Variants in CADM2 observed in about 807,000 individuals in gnomAD.
CADM2 encodes cell adhesion molecule 2.
CADM2 carries 12 observed loss-of-function variants against 49.8 expected under a neutral mutation model. The observed-to-expected ratio is 0.24, with a 90% confidence interval of 0.15 to 0.39. The LOEUF is 0.39. Among genes scored for constraint, CADM2 ranks in the 10% least tolerant of loss-of-function variants. The pLI, the probability that CADM2 is intolerant of heterozygous loss-of-function variation, is 1.00. For synonymous variants in CADM2, 214 were observed against 175.4 expected (o/e 1.22, Z -1.74); for missense variants, 378 against 492.3 (o/e 0.77, Z 2.20).
intron 8 of CADM2, among the ~76,000 whole-genome samples, chr3:86,010,093 G>C (rs148774891): frequency 4.6e-5 from 7 of 151,634 alleles, no homozygotes; most frequent in Non-Finnish European, 1.0e-4. Flanking sequence ...TAGCAATGAC[G>C]AAATAATATT....
At chr3:84,991,362 G>A (rs2032874697) in intron 1 of CADM2, among the ~76,000 whole-genome samples, 1 of 152,048 alleles carries the variant, frequency 6.6e-6, no homozygotes, top group Admixed American at 6.5e-5. Flanking sequence ...AAAATGAGCT[G>A]GGGGCAAAAT....
chr3:85,814,896 T>C (rs2073116037), intron 3 of CADM2, among the ~76,000 whole-genome samples: 1 of 151,946 alleles, frequency 6.6e-6, no homozygotes, highest in Admixed American at 6.6e-5. Context: ...ATATTCTACC[T>C]ATGCAGGTAT....
At chr3:86,044,807 C>G (rs1736439579) in intron 8 of CADM2, among the ~76,000 whole-genome samples, 1 of 152,138 alleles carries the variant, frequency 6.6e-6, no homozygotes, top group African/African-American at 2.4e-5. Flanking sequence ...TTGGAACCAA[C>G]CCAAATGTCC....
intron 1 of CADM2, among the ~76,000 whole-genome samples, chr3:85,494,761 A>C (rs1364044449): frequency 2.0e-5 from 3 of 152,162 alleles, no homozygotes; most frequent in African/African-American, 7.2e-5. Flanking sequence ...TTTAATTAAC[A>C]TAAGCTCTTC....
At chr3:85,584,950 G>A (rs1186550753) in intron 1 of CADM2, among the ~76,000 whole-genome samples, 1 of 152,014 alleles carries the variant, frequency 6.6e-6, no homozygotes, top group East Asian at 1.9e-4. Flanking sequence ...TTGTGAAATC[G>A]GAAGTACAGT....
At chr3:86,046,499 A>G (rs2107290162) in intron 8 of CADM2, among the ~76,000 whole-genome samples, 1 of 152,150 alleles carries the variant, frequency 6.6e-6, no homozygotes. Context: ...ATGTTTGGGG[A>G]CAATTTTTAT....
chr3:85,926,117 C>T (rs1020645601), intron 6 of CADM2, among the ~76,000 whole-genome samples: 4 of 150,440 alleles, frequency 2.7e-5, no homozygotes, highest in Non-Finnish European at 5.9e-5. Context: ...AGCCGGACGA[C>T]AGAGTGAGGC....
intron 5 of CADM2, among the ~76,000 whole-genome samples, chr3:85,888,540 T>G (rs1713991082): frequency 6.6e-6 from 1 of 152,194 alleles, no homozygotes; most frequent in African/African-American, 2.4e-5. Context: ...ATTTTTTCTA[T>G]GCTCTTCAAT....
chr3:85,578,340 A>T (rs1463607869), intron 1 of CADM2, among the ~76,000 whole-genome samples: 1 of 152,220 alleles, frequency 6.6e-6, no homozygotes, highest in Non-Finnish European at 1.5e-5. Context: ...CTCTGAAGAA[A>T]GCAACAAATA....
intron 1 of CADM2, among the ~76,000 whole-genome samples, chr3:85,533,984 C>G (rs1345594116): frequency 6.6e-6 from 1 of 152,006 alleles, no homozygotes; most frequent in African/African-American, 2.4e-5. Context: ...ATGCCATAGT[C>G]AAAGAAGCTA....
At position 85,768,515 on chromosome 3, in the gene CADM2, C is replaced by A. The variant is rs550919822; in HGVS notation, c.89-33532C>A. 1.3e-4 allele frequency among the ~76,000 whole-genome samples: 19 copies of A among 147,498 alleles called. No homozygotes were observed. In the Admixed American group the frequency reaches 1.3e-3, roughly 10 times the overall value. Reference sequence around the variant, plus strand: ...TTAAAATACTTTTTTTTTTATCTAACTGGGAAAAATAATATGAACAAAACT... The same window carrying A: ...TTAAAATACTTTTTTTTTTATCTAAATGGGAAAAATAATATGAACAAAACT... On this transcript the variant is annotated intron_variant, in intron 2 of 9. Transcript: ENST00000383699.
At chr3:85,928,925 A>T (rs755748650) in intron 6 of CADM2, among the ~76,000 whole-genome samples, 3 of 152,286 alleles carry the variant, frequency 2.0e-5, no homozygotes, top group African/African-American at 7.2e-5. Flanking sequence ...CATTATGTAC[A>T]TTCATGTATA....
chr3:85,783,681 C>A (rs1206560786), intron 2 of CADM2, among the ~76,000 whole-genome samples: 1 of 152,148 alleles, frequency 6.6e-6, no homozygotes, highest in Non-Finnish European at 1.5e-5. Context: ...AAGTAGCTAT[C>A]ATGGTATTAT....
intron 1 of CADM2, among the ~76,000 whole-genome samples, chr3:85,673,380 T>G (rs887971414): frequency 6.6e-6 from 1 of 151,980 alleles, no homozygotes; most frequent in Non-Finnish European, 1.5e-5. Context: ...CAGGGTAGTC[T>G]CCAGGGGCTT....
intron 3 of CADM2, among the ~76,000 whole-genome samples, chr3:85,817,172 T>C (rs2073262471): frequency 6.6e-6 from 1 of 152,164 alleles, no homozygotes; most frequent in South Asian, 2.1e-4. Context: ...GTGTGGGTAT[T>C]TTTAAGAATC....
chr3:85,599,513 T>G (rs1376260032), intron 1 of CADM2, among the ~76,000 whole-genome samples: 1 of 151,968 alleles, frequency 6.6e-6, no homozygotes, highest in East Asian at 1.9e-4. Context: ...AAATCCTCAT[T>G]TATATGAATT....
chr3:86,014,727 G>A, intron 8 of CADM2: 1 of 1,508,826 alleles, frequency 6.6e-7, no homozygotes, highest in Non-Finnish European at 8.9e-7. Context: ...GTGTAGAAGT[G>A]ACTTACCCAA....
At chr3:85,613,106 T>C (rs982955444) in intron 1 of CADM2, among the ~76,000 whole-genome samples, 3 of 151,788 alleles carry the variant, frequency 2.0e-5, no homozygotes, top group Non-Finnish European at 4.4e-5. Flanking sequence ...GGTAGTTACA[T>C]GGATTCATGA....
chr3:85,353,551 G>GT lies in CADM2; in HGVS notation c.62-372961dup, dbSNP rs893703512. 8.6e-3 allele frequency among the ~76,000 whole-genome samples: 1,173 copies of GT among 136,892 alleles called. 4 individuals are homozygous for GT. The highest frequency in any genetic ancestry group is 0.024 in the Middle Eastern group (6 of 250). 89.8% of individuals were successfully genotyped at this position (136,892 alleles called of 152,430 possible). On this transcript the variant is annotated intron_variant, in intron 1 of 9. Transcript: ENST00000383699. Reference sequence around the variant, plus strand: ...TTTAGTTGATGGTTTCTTTTTTTTTGTTTTTTTTTTGCAGTGAGTTATTTT... The same window carrying GT: ...TTTAGTTGATGGTTTCTTTTTTTTTGTTTTTTTTTTTGCAGTGAGTTATTTT...
Sources: gnomAD v4.1 joint callset for allele counts (sites outside exome capture counted in the v4.1 genomes callset) on GRCh38, gnomAD v4.1.1 for gene constraint, MANE v1.5 for transcripts, NCBI Gene and HGNC (gene_info 2026-07-23, HGNC 2026-07-21) for gene names.